Variants in TRPM7 observed in about 807,000 individuals in gnomAD.
The protein encoded by TRPM7 is LTRPC ion channel family member 7.
TRPM7 carries 134 observed loss-of-function variants against 229.7 expected under a neutral mutation model. The ratio of observed to expected loss-of-function variants is 0.58; its 90% CI spans 0.51 to 0.67. The LOEUF (loss-of-function observed/expected upper bound fraction) is 0.67, where lower values mean the gene tolerates loss of function less well. Ranked by LOEUF, TRPM7 falls within the 30% of genes least tolerant of loss-of-function variation. TRPM7 has a pLI of 0.00. For missense variants in TRPM7, 1,901 were observed against 2,210.0 expected, an observed-to-expected ratio of 0.86 and a Z score of 2.80; for synonymous variants, 699 against 715.2, an observed-to-expected ratio of 0.98 and a Z score of 0.36.
intron 4 of TRPM7, among the ~76,000 whole-genome samples, chr15:50,646,095 C>A (rs1421056694): frequency 3.0e-5 from 4 of 133,998 alleles, no homozygotes; most frequent in Non-Finnish European, 4.7e-5. Context: ...CCAGCCTGGG[C>A]AACAGAGCGA....
chr15:50,570,677 TAAAAAAAAAAAAAA>T (rs149970874), intron 36 of TRPM7, among the ~76,000 whole-genome samples: 2 of 91,748 alleles, frequency 2.2e-5, no homozygotes, highest in Non-Finnish European at 4.2e-5. Context: ...ACTTCATTCC[TAAAAAAAAAAAAAA>T]AAAAAAAAAA....
chr15:50,589,993 G>C (rs563603198), intron 26 of TRPM7, among the ~76,000 whole-genome samples: 1 of 152,188 alleles, frequency 6.6e-6, no homozygotes, highest in East Asian at 1.9e-4. Flanking sequence ...GAGTAGCTGG[G>C]ACTACAGGCA....
intron 1 of TRPM7, among the ~76,000 whole-genome samples, chr15:50,670,780 G>T (rs951327164): frequency 5.5e-5 from 8 of 144,400 alleles, no homozygotes; most frequent in African/African-American, 1.8e-4. Context: ...TAATAAACTT[G>T]CCTTCACTTT....
intron 23 of TRPM7, 37 bp from the exon 24 acceptor site, chr15:50,594,650 T>A: frequency 7.2e-7 from 1 of 1,394,220 alleles, no homozygotes; most frequent in Non-Finnish European, 9.7e-7. Context: ...ATAAACTTTG[T>A]TAATCATCTC....
chr15:50,624,789 T>C (rs936722815), intron 11 of TRPM7, among the ~76,000 whole-genome samples: 1 of 152,228 alleles, frequency 6.6e-6, no homozygotes, highest in African/African-American at 2.4e-5. Flanking sequence ...TGTTAGATGT[T>C]TATGACTGAA....
At position 50,686,516 on chromosome 15, in the gene TRPM7, G is replaced by C. The variant is rs1330915101; in HGVS notation, c.3+15C>G. ...CCAGAACCATTCCCCGCCCGGGCCTGCGTGGGTCCAGTACCATTCTCCTCA... is the reference window on the plus strand; with the variant it reads ...CCAGAACCATTCCCCGCCCGGGCCTCCGTGGGTCCAGTACCATTCTCCTCA... On this transcript the variant is annotated intron_variant, in intron 1 of 38. Coordinates refer to ENST00000646667, the MANE Select transcript of TRPM7 (RefSeq NM_017672.6). The C allele has an allele frequency of 6.2e-7, 1 of 1,613,864 alleles. No homozygotes were observed. The highest frequency in any genetic ancestry group is 1.3e-5 in the African/African-American group (1 of 75,036).
chr15:50,621,882 T>C (rs1235805969), intron 12 of TRPM7, among the ~76,000 whole-genome samples: 4 of 151,820 alleles, frequency 2.6e-5, no homozygotes. Context: ...ATACAGAAAT[T>C]AGCTGGGCGT....
At chr15:50,606,039 G>A (rs188023907) in intron 20 of TRPM7, among the ~76,000 whole-genome samples, 1 of 152,232 alleles carries the variant, frequency 6.6e-6, no homozygotes, top group East Asian at 1.9e-4. Flanking sequence ...CTAAATGTAA[G>A]GTAGAGACAT....
rs2054512431 is a variant in TRPM7 at position 50,583,255 on chromosome 15, T to C, written c.4487-96A>G. Reference sequence around the variant, plus strand: ...AAAGTATTCTAGGCACAGTATAACCTTCATAAGATAACTCAACCTTTCCTC... The same window carrying C: ...AAAGTATTCTAGGCACAGTATAACCCTCATAAGATAACTCAACCTTTCCTC... On this transcript the variant is annotated intron_variant, in intron 28 of 38. Coordinates refer to ENST00000646667, the MANE Select transcript of TRPM7 (RefSeq NM_017672.6). The C allele has an allele frequency of 2.3e-5, 17 of 750,698 alleles. No homozygotes were observed. In the South Asian group the frequency reaches 3.7e-4, roughly 16 times the overall value. The allele number at this position is 750,698 out of a possible 1,614,324, so 46.5% of individuals were successfully genotyped here. A position where few individuals can be genotyped will look rare whatever the true frequency, so the allele number is the denominator to read the frequency against.
At chr15:50,664,589 G>A (rs1468341003) in intron 1 of TRPM7, among the ~76,000 whole-genome samples, 1 of 152,084 alleles carries the variant, frequency 6.6e-6, no homozygotes, top group Non-Finnish European at 1.5e-5. Context: ...TACATAAAGG[G>A]AAAAAATTAG....
intron 2 of TRPM7, among the ~76,000 whole-genome samples, chr15:50,658,785 G>A (rs943808040): frequency 2.6e-5 from 4 of 152,306 alleles, no homozygotes; most frequent in Admixed American, 6.5e-5. Context: ...GTACAAGGTC[G>A]TTGACTGCAG....
At chr15:50,638,223 G>A (rs1239599577) in intron 6 of TRPM7, among the ~76,000 whole-genome samples, 1 of 151,024 alleles carries the variant, frequency 6.6e-6, no homozygotes, top group South Asian at 2.1e-4. Flanking sequence ...GCCGGGCGTG[G>A]TAGCGGGCGC....
intron 1 of TRPM7, among the ~76,000 whole-genome samples, chr15:50,684,058 G>T (rs1274209898): frequency 6.6e-6 from 1 of 151,836 alleles, no homozygotes; most frequent in Non-Finnish European, 1.5e-5. Flanking sequence ...CACCATGTTG[G>T]CCAGGCTAGT....
chr15:50,572,866 T>C (rs367761436), intron 36 of TRPM7, among the ~76,000 whole-genome samples: 1 of 152,194 alleles, frequency 6.6e-6, no homozygotes, highest in Admixed American at 6.5e-5. Context: ...TTCTAAACAA[T>C]TGTTCTCATG....
rs778018595 is a variant in TRPM7, at chr15:50,611,302, C to T, written c.2071G>A (p.Val691Ile). ...CTGAAGGACTGTTCTAATAATTCAA[C>T]GGCCAACTGACCAAAATCACTATAA... ...QYSNDFGQLA[V>I]ELLEQSFRQD... Residue 691 changes from valine to isoleucine, a missense_variant, in exon 17 of 39, where the codon GTT becomes ATT. Transcript: ENST00000646667. The T allele has an allele frequency of 9.9e-6, 16 of 1,613,032 alleles. No homozygotes were observed. The highest frequency in any genetic ancestry group is 1.6e-4 in the Middle Eastern group (1 of 6,078).
chr15:50,583,545 G>A (rs1024013585), intron 28 of TRPM7, among the ~76,000 whole-genome samples: 1 of 150,908 alleles, frequency 6.6e-6, no homozygotes, highest in African/African-American at 2.4e-5. Context: ...ATGTCTGGAG[G>A]GTTTTGTTAT....
At chr15:50,669,572 T>C (rs527274823) in intron 1 of TRPM7, among the ~76,000 whole-genome samples, 2 of 152,294 alleles carry the variant, frequency 1.3e-5, no homozygotes, top group African/African-American at 4.8e-5. Context: ...ATACAAATAA[T>C]CTGGCCAAGT....
chr15:50,643,308 A>G (rs373079823), intron 5 of TRPM7, 32 bp downstream of exon 5: 24 of 1,575,360 alleles, frequency 1.5e-5, no homozygotes, highest in Non-Finnish European at 2.1e-5. Flanking sequence ...ATTAAAACAC[A>G]CTAAATAAAA....
intron 27 of TRPM7, among the ~76,000 whole-genome samples, chr15:50,587,998 G>C (rs909681460): frequency 6.6e-5 from 10 of 151,942 alleles, no homozygotes; most frequent in African/African-American, 1.9e-4. Flanking sequence ...GTCAGCTAAG[G>C]CTACCTAAGT....
Sources: gnomAD v4.1 joint callset for allele counts (sites outside exome capture counted in the v4.1 genomes callset) on GRCh38, gnomAD v4.1.1 for gene constraint, MANE v1.5 for transcripts, NCBI Gene and HGNC (gene_info 2026-07-23, HGNC 2026-07-21) for gene names.